BCKDHB: variants seen among roughly 807,000 people sequenced by gnomAD.
BCKDHB encodes the protein branched chain keto acid dehydrogenase E1 subunit beta, also known as 2-oxoisovalerate dehydrogenase subunit beta, mitochondrial.
A neutral mutation model predicts 48.5 loss-of-function variants in BCKDHB; 41 were observed. That is an observed-to-expected ratio of 0.85 (90% CI 0.66 to 1.10). The LOEUF (loss-of-function observed/expected upper bound fraction) is 1.10, where lower values mean the gene tolerates loss of function less well. Among genes scored for constraint, BCKDHB ranks in the 50% least tolerant of loss-of-function variants. BCKDHB has a pLI of 0.00. For synonymous variants in BCKDHB, 201 were observed against 174.8 expected, an observed-to-expected ratio of 1.15 and a Z score of -1.18; for missense variants, 496 against 494.2, an observed-to-expected ratio of 1.00 and a Z score of -0.03.
At chr6:80,445,548 C>G in the BCKDHB span, among the ~76,000 whole-genome samples, 1 of 152,092 alleles carries the variant, frequency 6.6e-6, no homozygotes, top group East Asian at 1.9e-4. Flanking sequence ...GTAAATATAT[C>G]TGTATCTATT....
At chr6:80,393,452 C>T in the BCKDHB span, among the ~76,000 whole-genome samples, 1 of 152,088 alleles carries the variant, frequency 6.6e-6, no homozygotes, top group African/African-American at 2.4e-5. Context: ...AGCATGTGTG[C>T]CCTTTCCACA....
At chr6:80,157,878 T>A (rs1289103804) in intron 3 of BCKDHB, among the ~76,000 whole-genome samples, 3 of 152,204 alleles carry the variant, frequency 2.0e-5, no homozygotes, top group Non-Finnish European at 4.4e-5. Flanking sequence ...ATAGTACATA[T>A]CTATTTCAAC....
the BCKDHB span, among the ~76,000 whole-genome samples, chr6:80,411,222 G>T: frequency 6.6e-6 from 1 of 152,168 alleles, no homozygotes; most frequent in Non-Finnish European, 1.5e-5. Flanking sequence ...GTCTGTTGGA[G>T]TTTGCTGGAG....
chr6:80,236,044 G>C lies in BCKDHB; in HGVS notation c.951+32832G>C, dbSNP rs540960737. Among the ~76,000 whole-genome samples, 410 of 152,284 alleles carry C rather than the reference G, an allele frequency of 2.7e-3. 1 individual carries two copies. The highest frequency in any genetic ancestry group is 9.1e-3 in the African/African-American group (379 of 41,548). On this transcript the variant is annotated intron_variant, in intron 8 of 9. Transcript: ENST00000320393. ...CTGCTTTTGCAGCCTTTTAAGTTTG[G>C]TTGTAAAATGTAAAATTAATTTTTC... is the stretch of plus-strand genomic sequence containing the variant.
intron 8 of BCKDHB, among the ~76,000 whole-genome samples, chr6:80,209,077 G>A (rs1200781473): frequency 6.6e-6 from 1 of 151,744 alleles, no homozygotes; most frequent in Non-Finnish European, 1.5e-5. Context: ...TGACTACCTT[G>A]GTAGTGCAAG....
chr6:80,346,917 T>C (rs723588), downstream of BCKDHB, among the ~76,000 whole-genome samples: 30,832 of 151,646 alleles, frequency 0.2, 3,602 homozygotes, highest in South Asian at 0.36. Flanking sequence ...TCATGGGTTC[T>C]AGGAAAAAGG....
intron 8 of BCKDHB, among the ~76,000 whole-genome samples, chr6:80,259,607 A>G (rs905507541): frequency 6.6e-6 from 1 of 152,190 alleles, no homozygotes; most frequent in East Asian, 1.9e-4. Flanking sequence ...AGACAGATTT[A>G]TAAATGATTT....
At chr6:80,170,654 G>A (rs1772865611) in intron 5 of BCKDHB, among the ~76,000 whole-genome samples, 1 of 152,132 alleles carries the variant, frequency 6.6e-6, no homozygotes, top group Non-Finnish European at 1.5e-5. Flanking sequence ...ACTTCCTACT[G>A]TCATTATCAT....
chr6:80,381,791 A>G, the BCKDHB span, among the ~76,000 whole-genome samples: 2 of 152,120 alleles, frequency 1.3e-5, no homozygotes, highest in African/African-American at 4.8e-5. Context: ...TAATTCCTAT[A>G]GCATCTATTT....
the BCKDHB span, among the ~76,000 whole-genome samples, chr6:80,422,741 C>T: frequency 6.6e-6 from 1 of 152,146 alleles, no homozygotes; most frequent in South Asian, 2.1e-4. Flanking sequence ...ATGGTGGCCT[C>T]TTTGTTTTGG....
At chr6:80,189,319 G>A (rs933574862) in intron 6 of BCKDHB, among the ~76,000 whole-genome samples, 1 of 152,168 alleles carries the variant, frequency 6.6e-6, no homozygotes, top group African/African-American at 2.4e-5. Flanking sequence ...AATTTACTGT[G>A]TGCAACATAG....
chr6:80,213,355 A>G (rs1775025257), intron 8 of BCKDHB, among the ~76,000 whole-genome samples: 1 of 152,218 alleles, frequency 6.6e-6, no homozygotes, highest in African/African-American at 2.4e-5. Flanking sequence ...GGAACAATTT[A>G]TCTACTTTGA....
At chr6:80,442,521 C>A in the BCKDHB span, among the ~76,000 whole-genome samples, 53 of 152,036 alleles carry the variant, frequency 3.5e-4, no homozygotes, top group African/African-American at 1.2e-3. Context: ...ATAGAAGAGA[C>A]CATCTGACTA....
intron 6 of BCKDHB, among the ~76,000 whole-genome samples, chr6:80,186,360 T>A (rs1377909150): frequency 6.6e-6 from 1 of 152,166 alleles, no homozygotes; most frequent in Admixed American, 6.5e-5. Flanking sequence ...AAGCCGGCAG[T>A]GACAGGCCTC....
intron 8 of BCKDHB, among the ~76,000 whole-genome samples, chr6:80,235,873 G>T (rs982418760): frequency 6.6e-6 from 1 of 152,096 alleles, no homozygotes; most frequent in African/African-American, 2.4e-5. Flanking sequence ...AGTGAGCACC[G>T]GCACTGGGAA....
chr6:80,266,010 A>C (rs975032158), intron 8 of BCKDHB, among the ~76,000 whole-genome samples: 2 of 152,048 alleles, frequency 1.3e-5, no homozygotes, highest in African/African-American at 4.8e-5. Flanking sequence ...GCCATTGCCA[A>C]CTCCAAAGAA....
At chr6:80,150,550 C>CTTT (rs758701261) in intron 3 of BCKDHB, among the ~76,000 whole-genome samples, 1,774 of 105,260 alleles carry the variant, frequency 0.017, 4 homozygotes, top group East Asian at 0.027. Flanking sequence ...AGTTTGTCAT[C>CTTT]TTTTTTTTTT....
the BCKDHB span, among the ~76,000 whole-genome samples, chr6:80,363,030 T>A: frequency 6.6e-6 from 1 of 152,160 alleles, no homozygotes; most frequent in African/African-American, 2.4e-5. Flanking sequence ...ATGTCTACAA[T>A]TTTGATGTTC....
At position 80,171,355 on chromosome 6, in the gene BCKDHB, T is replaced by A; in HGVS notation, c.707T>A (p.Ile236Lys). ...LSCIEDKNPCIFFEPKILYRA... is the reference protein window; with the variant it reads ...LSCIEDKNPCKFFEPKILYRA... ...TGCATAGAGGATAAAAATCCTTGTA[T>A]ATTTTTTGAACCTAAAATACTTTAC... Residue 236 changes from isoleucine (I) to lysine (K), a missense_variant, in exon 6 of 10, where the codon ATA (isoleucine) becomes AAA (lysine). Transcript: ENST00000320393. 1 of 1,607,230 alleles carries A rather than the reference T, an allele frequency of 6.2e-7. No individual in the cohort carries two copies. The highest frequency in any genetic ancestry group is 8.5e-7 in the Non-Finnish European group (1 of 1,177,276).
Sources: gnomAD v4.1 joint callset for allele counts (sites outside exome capture counted in the v4.1 genomes callset) on GRCh38, gnomAD v4.1.1 for gene constraint, MANE v1.5 for transcripts, NCBI Gene and HGNC (gene_info 2026-07-23, HGNC 2026-07-21) for gene names.